PTCHD4: variants seen among roughly 807,000 people sequenced by gnomAD.
The protein encoded by PTCHD4 is patched domain-containing protein 4.
In PTCHD4, 33 loss-of-function variants were observed where a neutral mutation model predicts 58.1. The observed-to-expected ratio is 0.57, with a 90% CI of 0.43 to 0.76. The LOEUF (loss-of-function observed/expected upper bound fraction) is 0.76. Ranked by LOEUF, PTCHD4 falls within the 30% of genes least tolerant of loss-of-function variation. PTCHD4 has a pLI of 0.00. For synonymous variants in PTCHD4, 478 were observed against 409.6 expected, an observed-to-expected ratio of 1.17 and a Z score of -2.02; for missense variants, 1,058 against 1,027.1, an observed-to-expected ratio of 1.03 and a Z score of -0.41.
chr6:48,025,844 T>A (rs1409236981), intron 3 of PTCHD4, among the ~76,000 whole-genome samples: 1 of 152,164 alleles, frequency 6.6e-6, no homozygotes, highest in African/African-American at 2.4e-5. Flanking sequence ...TGGAGCTGTT[T>A]GCAAGAAAAT....
At position 47,878,346 on chromosome 6, in the gene PTCHD4, C is replaced by T; in HGVS notation, c.2489G>A (p.Cys830Tyr). The T allele has an allele frequency of 6.2e-7, 1 of 1,608,134 alleles. No homozygotes were observed. Among genetic ancestry groups the T allele is most frequent in the South Asian group, 1.1e-5 (1 of 90,236 alleles). The stretch of plus-strand genomic sequence containing the variant: ...ATCCGGGTTCTCTTGAATTTCTATG[C>T]ATTCAATTTCCTCTCTCTCCTTTCG... ...AKRKEREEIE[C>Y]IEIQENPDHV... Residue 830 changes from cysteine to tyrosine, a missense_variant, in exon 5 of 5, where the codon TGC becomes TAC. Coordinates refer to ENST00000339488, the MANE Select transcript of PTCHD4 (RefSeq NM_001384253.1).
At chr6:47,885,561 C>T (rs1261108780) in intron 4 of PTCHD4, among the ~76,000 whole-genome samples, 1 of 152,160 alleles carries the variant, frequency 6.6e-6, no homozygotes, top group Non-Finnish European at 1.5e-5. Context: ...CCAAACAAAA[C>T]TGATACCAGT....
At chr6:48,058,342 T>G (rs1764489750) in intron 3 of PTCHD4, among the ~76,000 whole-genome samples, 1 of 152,232 alleles carries the variant, frequency 6.6e-6, no homozygotes, top group South Asian at 2.1e-4. Flanking sequence ...GACTACACTT[T>G]GAGAACTACT....
At chr6:48,058,547 G>C (rs1239699666) in intron 3 of PTCHD4, among the ~76,000 whole-genome samples, 1 of 151,912 alleles carries the variant, frequency 6.6e-6, no homozygotes, top group African/African-American at 2.4e-5. Context: ...TTAAGAGAAT[G>C]GATTCTGAGA....
intron 4 of PTCHD4, among the ~76,000 whole-genome samples, chr6:48,003,188 T>C (rs9357566): frequency 0.64 from 97,642 of 152,018 alleles, 31,628 homozygotes; most frequent in East Asian, 0.78. Context: ...TTGGATTCTA[T>C]GGTTTTCAAT....
At chr6:47,882,539 G>A (rs950130351) in intron 4 of PTCHD4, among the ~76,000 whole-genome samples, 1 of 151,566 alleles carries the variant, frequency 6.6e-6, no homozygotes, top group Non-Finnish European at 1.5e-5. Flanking sequence ...CAAATGTATT[G>A]CCTGCTCCAG....
chr6:48,028,174 C>G (rs1023511207), intron 3 of PTCHD4, among the ~76,000 whole-genome samples: 1 of 152,054 alleles, frequency 6.6e-6, no homozygotes, highest in Non-Finnish European at 1.5e-5. Flanking sequence ...AACACCTAGC[C>G]TCAAGTGATC....
intron 1 of PTCHD4, among the ~76,000 whole-genome samples, chr6:48,101,829 T>G (rs180787058): frequency 6.6e-6 from 1 of 152,286 alleles, no homozygotes. Flanking sequence ...CCTAATTCTT[T>G]TACTCCTTCT....
At position 48,009,026 on chromosome 6, in the gene PTCHD4, G is replaced by C. The variant is rs749503301; in HGVS notation, c.506C>G (p.Ala169Gly). ...SKDQRVKSAR[A>G]IQITYYLQTY... ...CTGGAGGTAGTAGGTGATTTGAATG[G>C]CTCTGGCTGACTTGACCCGCTGATC... is the stretch of plus-strand genomic sequence containing the variant. The change falls in exon 4 of 5, where the codon GCC (alanine) becomes GGC (glycine). Residue 169 changes from alanine to glycine, a missense_variant. Ala to Gly is a moderately conservative substitution (Grantham distance 60, BLOSUM62 0). Coordinates refer to ENST00000339488, the MANE Select transcript of PTCHD4 (RefSeq NM_001384253.1). 4.3e-6 allele frequency: 7 copies of C among 1,613,776 alleles called. No homozygotes were observed. Among genetic ancestry groups the C allele is most frequent in the Middle Eastern group, 1.6e-4 (1 of 6,084 alleles).
At position 47,931,838 on chromosome 6, in the gene PTCHD4, G is replaced by A. The variant is rs150827955; in HGVS notation, c.899-51902C>T. On this transcript the variant is annotated intron_variant, in intron 4 of 4. Transcript: ENST00000339488. ...ACGAAGTTTTCCTAGACAGTGTGTC[G>A]TGTATCCTCCCAAAGTTCCTGTAGG... Among the ~76,000 whole-genome samples, 482 of 151,898 alleles carry A rather than the reference G, an allele frequency of 3.2e-3. 2 individuals are homozygous for A. Among genetic ancestry groups the A allele is most frequent in the African/African-American group, 0.01 (430 of 41,512 alleles).
chr6:48,072,459 A>G (rs533627478), intron 1 of PTCHD4, among the ~76,000 whole-genome samples: 2 of 152,238 alleles, frequency 1.3e-5, no homozygotes, highest in African/African-American at 4.8e-5. Context: ...TAGGAGTATT[A>G]CTACTTCCTG....
intron 4 of PTCHD4, among the ~76,000 whole-genome samples, chr6:47,976,537 C>T (rs995142347): frequency 6.6e-6 from 1 of 151,796 alleles, no homozygotes; most frequent in African/African-American, 2.4e-5. Context: ...ACCTGTAATC[C>T]CAGTTACTTG....
At chr6:48,043,052 C>A (rs929529477) in intron 3 of PTCHD4, among the ~76,000 whole-genome samples, 1 of 151,806 alleles carries the variant, frequency 6.6e-6, no homozygotes, top group South Asian at 2.1e-4. Flanking sequence ...GAGACAGTAT[C>A]GGTGACTATG....
At chr6:48,034,795 T>C (rs1239229290) in intron 3 of PTCHD4, among the ~76,000 whole-genome samples, 4 of 152,140 alleles carry the variant, frequency 2.6e-5, no homozygotes, top group Non-Finnish European at 1.5e-5. Flanking sequence ...TTTTCACTCC[T>C]TAATCTCCTC....
intron 1 of PTCHD4, among the ~76,000 whole-genome samples, 191 bp from the exon 2 acceptor site, chr6:48,070,117 GTGTGTT>G (rs1295835441): frequency 7.7e-6 from 1 of 129,260 alleles, no homozygotes; most frequent in Non-Finnish European, 1.7e-5. Flanking sequence ...ATTAATAAGT[GTGTGTT>G]TGTGTGTGTG....
rs184493835 is a variant in PTCHD4 at position 47,867,294 on chromosome 6, A to G, written c.*11009T>C. Among the ~76,000 whole-genome samples, 222 of 151,792 alleles carry G rather than the reference A, an allele frequency of 1.5e-3. 5 individuals are homozygous for G. The highest frequency in any genetic ancestry group is 0.013 in the Admixed American group (200 of 15,228). ...GGTGTTCCATCATCAGGAGAATCAA[A>G]CTCATGCTCTAAACTGGCTCTTGCA... is the stretch of plus-strand genomic sequence containing the variant. On this transcript the variant is annotated 3_prime_UTR_variant, in exon 5 of 5. Transcript: ENST00000339488.
chr6:48,061,723 G>T (rs553849109), intron 3 of PTCHD4, among the ~76,000 whole-genome samples: 35 of 152,280 alleles, frequency 2.3e-4, no homozygotes, highest in African/African-American at 8.2e-4. Flanking sequence ...TAATTATGTG[G>T]CTTACAATGC....
At chr6:47,910,550 G>GAAATTATTAGA (rs1765037300) in intron 4 of PTCHD4, among the ~76,000 whole-genome samples, 1 of 151,994 alleles carries the variant, frequency 6.6e-6, no homozygotes, top group Non-Finnish European at 1.5e-5. Flanking sequence ...ATAATAAAGA[G>GAAATTATTAGA]AATGTGTTAG....
At chr6:47,951,373 G>A (rs1190135649) in intron 4 of PTCHD4, among the ~76,000 whole-genome samples, 1 of 152,196 alleles carries the variant, frequency 6.6e-6, no homozygotes, top group Admixed American at 6.5e-5. Context: ...AAGACACTGT[G>A]TGTTTATCAT....
Sources: gnomAD v4.1 joint callset for allele counts (sites outside exome capture counted in the v4.1 genomes callset) on GRCh38, gnomAD v4.1.1 for gene constraint, MANE v1.5 for transcripts, NCBI Gene and HGNC (gene_info 2026-07-23, HGNC 2026-07-21) for gene names.